PTPN12: variants seen among roughly 807,000 people sequenced by gnomAD.
PTPN12 encodes protein tyrosine phosphatase non-receptor type 12.
In PTPN12, 29 loss-of-function variants were observed where a neutral mutation model predicts 97.6. That is an observed-to-expected ratio of 0.30 (90% CI 0.22 to 0.41). PTPN12 has a LOEUF of 0.41. Among genes scored for constraint, PTPN12 ranks in the 10% least tolerant of loss-of-function variants. PTPN12 has a pLI of 1.00. For missense variants in PTPN12, 819 were observed against 926.0 expected (o/e 0.88, Z 1.50); for synonymous variants, 327 against 300.4 (o/e 1.09, Z -0.91).
At chr7:77,617,933 T>C (rs1052588572) in intron 11 of PTPN12, among the ~76,000 whole-genome samples, 3 of 152,136 alleles carry the variant, frequency 2.0e-5, no homozygotes, top group Non-Finnish European at 2.9e-5. Context: ...GCCAGTGATA[T>C]AGGAGCTATA....
At chr7:77,537,772 C>A (rs1027529516) in intron 1 of PTPN12, 127 bp downstream of exon 1, 2 of 1,018,508 alleles carry the variant, frequency 2.0e-6, no homozygotes, top group Non-Finnish European at 2.7e-6. Context: ...GCGCACCAGC[C>A]GGGTGAGCCG....
intron 11 of PTPN12, among the ~76,000 whole-genome samples, chr7:77,616,142 C>T (rs990736586): frequency 2.6e-5 from 4 of 152,230 alleles, no homozygotes; most frequent in African/African-American, 9.6e-5. Context: ...TATCTCTTCT[C>T]TTTACCCTTC....
chr7:77,611,849 T>TA (rs1788579350), intron 11 of PTPN12, among the ~76,000 whole-genome samples: 10 of 152,248 alleles, frequency 6.6e-5, no homozygotes, highest in Admixed American at 6.5e-4. Flanking sequence ...TGTAACATCT[T>TA]ACTGGATATT....
intron 12 of PTPN12, among the ~76,000 whole-genome samples, chr7:77,619,318 T>C (rs1422806359): frequency 6.6e-6 from 1 of 152,230 alleles, no homozygotes; most frequent in East Asian, 1.9e-4. Flanking sequence ...ATTGTTTCCA[T>C]CTTAAAACTT....
intron 1 of PTPN12, among the ~76,000 whole-genome samples, chr7:77,570,231 T>C (rs978290382): frequency 1.3e-5 from 2 of 152,218 alleles, no homozygotes; most frequent in African/African-American, 4.8e-5. Context: ...CAGTTTTAGT[T>C]CCTTAAATAT....
intron 9 of PTPN12, 89 bp from the exon 10 acceptor site, chr7:77,610,676 G>A (rs1788540645): frequency 1.0e-5 from 13 of 1,295,792 alleles, no homozygotes; most frequent in Non-Finnish European, 1.4e-5. Context: ...AAACCAGCAG[G>A]TATTTAAGTT....
chr7:77,595,172 T>TGATC (rs1248536662), intron 6 of PTPN12, among the ~76,000 whole-genome samples: 4 of 152,232 alleles, frequency 2.6e-5, no homozygotes, highest in Non-Finnish European at 5.9e-5. Context: ...GCGTCAGGAT[T>TGATC]GATCCATGCT....
Position 77,607,220 on chromosome 7 carries a change from A to C in PTPN12, c.696-15A>C, listed in dbSNP as rs748131243. 6.4e-7 allele frequency: 1 copy of C among 1,558,438 alleles called. No homozygotes were observed. The highest frequency in any genetic ancestry group is 1.2e-5 in the South Asian group (1 of 82,722). ...ATCACAAAAATCAATTGTTTTTCAAACTTTATATCCTTAGTGCAGGCTGTG... is the reference window on the plus strand; with the variant it reads ...ATCACAAAAATCAATTGTTTTTCAACCTTTATATCCTTAGTGCAGGCTGTG... On this transcript the variant is annotated splice_polypyrimidine_tract_variant and intron_variant, in intron 8 of 17. Transcript: ENST00000248594.
chr7:77,546,388 C>G (rs1265201737), intron 1 of PTPN12, among the ~76,000 whole-genome samples: 2 of 152,138 alleles, frequency 1.3e-5, no homozygotes, highest in African/African-American at 4.8e-5. Context: ...TAAGGTAAAT[C>G]AGGTGATATG....
rs192443306 is a variant in PTPN12 at position 77,613,783 on chromosome 7, G to T, written c.939+2737G>T. Among the ~76,000 whole-genome samples the T allele has an allele frequency of 1.5e-4, 23 of 152,024 alleles. No homozygotes were observed. In the East Asian group the frequency reaches 4.3e-3, roughly 28 times the overall value. ...TATAGAGATGAGGTTTTACTGTGTT[G>T]CCCAGCCTGGTCTCAAATCCTTGGA... On this transcript the variant is annotated intron_variant, in intron 11 of 17. Coordinates refer to ENST00000248594, the MANE Select transcript of PTPN12 (RefSeq NM_002835.4).
At chr7:77,577,352 T>C (rs1211765680) in intron 2 of PTPN12, among the ~76,000 whole-genome samples, 1 of 152,234 alleles carries the variant, frequency 6.6e-6, no homozygotes, top group Non-Finnish European at 1.5e-5. Context: ...GTGGTGAGGA[T>C]AAAATTATGT....
chr7:77,599,845 A>G (rs1415616051), intron 7 of PTPN12, among the ~76,000 whole-genome samples: 3 of 152,218 alleles, frequency 2.0e-5, no homozygotes, highest in Non-Finnish European at 2.9e-5. Flanking sequence ...AACACCTGCA[A>G]TAACCATTCT....
At chr7:77,552,364 T>C (rs986611448) in intron 1 of PTPN12, among the ~76,000 whole-genome samples, 4 of 152,156 alleles carry the variant, frequency 2.6e-5, no homozygotes, top group Admixed American at 1.3e-4. Context: ...ACCAATACAT[T>C]TAATTTCTTG....
At chr7:77,625,776 C>G (rs771406687) in intron 12 of PTPN12, among the ~76,000 whole-genome samples, 4 of 151,392 alleles carry the variant, frequency 2.6e-5, no homozygotes, top group Non-Finnish European at 5.9e-5. Flanking sequence ...TACTGTGTTG[C>G]TCAGGCTGGT....
At chr7:77,539,084 A>G (rs1806821817) in intron 1 of PTPN12, among the ~76,000 whole-genome samples, 1 of 152,174 alleles carries the variant, frequency 6.6e-6, no homozygotes, top group Non-Finnish European at 1.5e-5. Flanking sequence ...AAAGTACAGT[A>G]GTTTTTATGG....
At chr7:77,603,949 C>T (rs1174751073) in intron 8 of PTPN12, among the ~76,000 whole-genome samples, 1 of 129,038 alleles carries the variant, frequency 7.7e-6, no homozygotes, top group Non-Finnish European at 1.5e-5. Context: ...AGTGCAATGG[C>T]ACGATCTCAG....
chr7:77,595,784 A>G (rs1455275408), intron 6 of PTPN12, among the ~76,000 whole-genome samples: 3 of 152,224 alleles, frequency 2.0e-5, no homozygotes, highest in East Asian at 1.9e-4. Context: ...ATAAAACAAC[A>G]TACACTGTTG....
In PTPN12 at chr7:77,537,421, G is replaced by A. The variant is rs1374115914; in HGVS notation, c.-126G>A. 35 of 1,342,760 alleles carry A rather than the reference G, an allele frequency of 2.6e-5. No homozygotes were observed. The highest frequency in any genetic ancestry group is 3.3e-5 in the Non-Finnish European group (34 of 1,033,916). The allele number at this position is 1,342,760 out of a possible 1,614,324, so 83.2% of individuals were successfully genotyped here. On this transcript the variant is annotated 5_prime_UTR_variant, in exon 1 of 18. Transcript: ENST00000248594. The stretch of plus-strand genomic sequence containing the variant: ...GCGGTGGGGAGGAGGAGGGAGCCGC[G>A]GGGCTTGGCGGGGTCGGGAGGGAGG...
intron 8 of PTPN12, among the ~76,000 whole-genome samples, chr7:77,601,711 G>A (rs1483672506): frequency 5.3e-5 from 8 of 152,124 alleles, no homozygotes; most frequent in Non-Finnish European, 8.8e-5. Context: ...ATGAAAAAGT[G>A]TGTTTTAGTT....
Sources: allele counts gnomAD v4.1 joint callset (sites outside exome capture counted in the v4.1 genomes callset), GRCh38; gene constraint gnomAD v4.1.1; transcripts MANE v1.5; gene names NCBI Gene and HGNC (gene_info 2026-07-23, HGNC 2026-07-21).